SH3PXD2A: variants seen among roughly 807,000 people sequenced by gnomAD.
SH3PXD2A encodes the protein SH3 and PX domain-containing protein 2A.
SH3PXD2A carries 32 observed loss-of-function variants against 115.2 expected under a neutral mutation model. That is an observed-to-expected ratio of 0.28 (90% CI 0.21 to 0.37). SH3PXD2A has a LOEUF of 0.37. Among genes scored for constraint, SH3PXD2A ranks in the 10% least tolerant of loss-of-function variants. The pLI is 1.00. For synonymous variants in SH3PXD2A, 610 were observed against 629.1 expected (o/e 0.97, Z 0.45); for missense variants, 1,328 against 1,498.7 (o/e 0.89, Z 1.88).
At chr10:103,719,492 A>G (rs2038151689) in intron 5 of SH3PXD2A, among the ~76,000 whole-genome samples, 1 of 152,160 alleles carries the variant, frequency 6.6e-6, no homozygotes, top group African/African-American at 2.4e-5. Flanking sequence ...AATGACAACA[A>G]TCATTCATCC....
chr10:103,662,439 C>CCGTACTG (rs2037325723), intron 7 of SH3PXD2A, among the ~76,000 whole-genome samples: 1 of 123,052 alleles, frequency 8.1e-6, no homozygotes, highest in African/African-American at 3.5e-5. Context: ...GTCGCCCAGG[C>CCGTACTG]CGGACTGCGG....
chr10:103,735,693 C>T (rs1351675581), intron 4 of SH3PXD2A, 39 bp downstream of exon 4: 1 of 1,365,100 alleles, frequency 7.3e-7, no homozygotes, highest in Non-Finnish European at 1.0e-6. Context: ...CCCTGAAGCC[C>T]TCCCCGAGCC....
At chr10:103,681,944 G>A (rs1202123718) in intron 6 of SH3PXD2A, among the ~76,000 whole-genome samples, 2 of 152,162 alleles carry the variant, frequency 1.3e-5, no homozygotes, top group Non-Finnish European at 2.9e-5. Flanking sequence ...ATACCTGGGC[G>A]TCACTCCAGA....
chr10:103,606,221 T>TCA lies in SH3PXD2A; in HGVS notation c.1309-305_1309-304insTG, dbSNP rs59469309. Among the ~76,000 whole-genome samples the TCA allele has an allele frequency of 6.1e-3, 880 of 145,416 alleles. 3 individuals carry two copies. Among genetic ancestry groups the TCA allele is most frequent in the Middle Eastern group, 0.018 (5 of 280 alleles). ...ATCATCATCATCATCATCATCATCA[T>TCA]TACTCTGAGATAGGGTCTTGCTTTG... On this transcript the variant is annotated intron_variant, in intron 13 of 14. Transcript: ENST00000369774.
At chr10:103,642,493 T>C (rs1312141998) in intron 8 of SH3PXD2A, among the ~76,000 whole-genome samples, 2 of 152,190 alleles carry the variant, frequency 1.3e-5, no homozygotes, top group African/African-American at 2.4e-5. Flanking sequence ...CCCTGTATCA[T>C]GGTGTTGGGT....
intron 3 of SH3PXD2A, among the ~76,000 whole-genome samples, chr10:103,748,773 C>T (rs1030777645): frequency 1.3e-5 from 2 of 152,082 alleles, no homozygotes; most frequent in African/African-American, 2.4e-5. Flanking sequence ...TGGGAGGTCC[C>T]TGGGGTGGGG....
chr10:103,733,899 T>C (rs1312522329), intron 4 of SH3PXD2A, among the ~76,000 whole-genome samples: 1 of 151,624 alleles, frequency 6.6e-6, no homozygotes, highest in African/African-American at 2.4e-5. Context: ...ACTACAGGTG[T>C]GTGCTACCAC....
intron 3 of SH3PXD2A, among the ~76,000 whole-genome samples, chr10:103,745,117 G>C (rs2038486730): frequency 6.6e-6 from 1 of 152,176 alleles, no homozygotes; most frequent in Non-Finnish European, 1.5e-5. Context: ...CTCTACAGCT[G>C]CTAACTCATA....
At chr10:103,659,442 C>T (rs2037259544) in intron 8 of SH3PXD2A, among the ~76,000 whole-genome samples, 1 of 152,240 alleles carries the variant, frequency 6.6e-6, no homozygotes, top group Admixed American at 6.5e-5. Context: ...CGCCTGAGGT[C>T]TCCCATGTCA....
chr10:103,744,133 G>A (rs2134195439), intron 3 of SH3PXD2A, among the ~76,000 whole-genome samples: 1 of 151,380 alleles, frequency 6.6e-6, no homozygotes, highest in African/African-American at 2.4e-5. Flanking sequence ...GGGAGTGGCT[G>A]AATGGCAGGC....
rs183399910 is a variant in SH3PXD2A at position 103,661,665 on chromosome 10, G to C, written c.473-551C>G. On this transcript the variant is annotated intron_variant, in intron 7 of 14. Transcript: ENST00000369774. ...AGAGAAAAGGCAGCCCTGCTCCCTC[G>C]GGCGGGAGAGGGAGAGGAGAGAGCG... The C allele has an allele frequency of 1.7e-4, 170 of 985,148 alleles. No individual in the cohort carries two copies. The African/African-American group carries it at 2.7e-3, about 16-fold the overall frequency. The allele number at this position is 985,148 out of a possible 1,614,324, so 61.0% of individuals were successfully genotyped here. A position where few individuals can be genotyped will look rare whatever the true frequency, so the allele number is the denominator to read the frequency against.
chr10:103,725,383 G>A (rs1335776919), intron 4 of SH3PXD2A, among the ~76,000 whole-genome samples: 1 of 152,130 alleles, frequency 6.6e-6, no homozygotes, highest in African/African-American at 2.4e-5. Context: ...AGCACGGCTT[G>A]TGGAGTTTGC....
intron 1 of SH3PXD2A, among the ~76,000 whole-genome samples, chr10:103,833,976 GA>G (rs897696605): frequency 1.3e-5 from 2 of 152,120 alleles, no homozygotes; most frequent in African/African-American, 4.8e-5. Flanking sequence ...AGTCCCTGGG[GA>G]ACAGATCAGT....
intron 5 of SH3PXD2A, among the ~76,000 whole-genome samples, chr10:103,703,679 C>T (rs946110145): frequency 6.6e-6 from 1 of 152,204 alleles, no homozygotes; most frequent in Non-Finnish European, 1.5e-5. Flanking sequence ...GCCACAGTGG[C>T]GCTGAGCACT....
intron 5 of SH3PXD2A, among the ~76,000 whole-genome samples, chr10:103,711,831 G>A (rs1183991008): frequency 2.0e-5 from 3 of 152,166 alleles, no homozygotes; most frequent in Non-Finnish European, 4.4e-5. Context: ...GAGGCGGGAG[G>A]ATCGTTTGAA....
At position 103,627,801 on chromosome 10, in the gene SH3PXD2A, A is replaced by G. The variant is rs1409237234; in HGVS notation, c.605-599T>C. Among the ~76,000 whole-genome samples the G allele has an allele frequency of 2.0e-5, 3 of 152,100 alleles. No individual in the cohort carries two copies. The highest frequency in any genetic ancestry group is 4.4e-5 in the Non-Finnish European group (3 of 68,028). On this transcript the variant is annotated intron_variant, in intron 8 of 14. Coordinates refer to ENST00000369774, the MANE Select transcript of SH3PXD2A (RefSeq NM_001394015.1). This position sits in a 1 kb window ranked among gnomAD's most constrained non-coding sequence, Gnocchi z 4.4. ...ATGGCCACGTGATAAAGCCTCATTC[A>G]TCTTATTTGTTCATTCATGCAAAGT...
chr10:103,847,112 G>A (rs1309896444), intron 1 of SH3PXD2A, among the ~76,000 whole-genome samples: 1 of 152,174 alleles, frequency 6.6e-6, no homozygotes, highest in African/African-American at 2.4e-5. Context: ...GTGTGGTAGA[G>A]GTCAAATAAA....
intron 1 of SH3PXD2A, among the ~76,000 whole-genome samples, chr10:103,854,677 G>A (rs893943417): frequency 6.6e-6 from 1 of 152,238 alleles, no homozygotes; most frequent in African/African-American, 2.4e-5. Flanking sequence ...TTAGCGCGGA[G>A]GGTGGAGGTT....
At chr10:103,836,256 C>T (rs1381127261) in intron 1 of SH3PXD2A, among the ~76,000 whole-genome samples, 2 of 152,084 alleles carry the variant, frequency 1.3e-5, no homozygotes, top group Admixed American at 1.3e-4. Context: ...TCATAGGGGG[C>T]TCTCAAGGAT....
Sources: allele counts gnomAD v4.1 joint callset (sites outside exome capture counted in the v4.1 genomes callset), GRCh38; gene constraint gnomAD v4.1.1; non-coding constraint Gnocchi (gnomAD v3.1); transcripts MANE v1.5; gene names NCBI Gene and HGNC (gene_info 2026-07-23, HGNC 2026-07-21).